PCDH15: variants seen among roughly 807,000 people sequenced by gnomAD.
PCDH15 encodes protocadherin related 15, also known as protocadherin-15.
PCDH15 carries 129 observed loss-of-function variants against 178.5 expected under a neutral mutation model. That is an observed-to-expected ratio of 0.72 (90% confidence interval 0.63 to 0.84). The LOEUF is 0.84. PCDH15 is among the 40% of genes least tolerant of loss of function. The probability of loss-of-function intolerance (pLI) is 0.00; values close to 1 mark genes in which losing one functional copy is unlikely to be tolerated. For synonymous variants in PCDH15, 800 were observed against 732.0 expected, an observed-to-expected ratio of 1.09 and a Z score of -1.50; for missense variants, 2,230 against 2,099.9, an observed-to-expected ratio of 1.06 and a Z score of -1.21.
chr10:55,170,749 G>T (rs1050990951), intron 1 of PCDH15, among the ~76,000 whole-genome samples: 3 of 152,042 alleles, frequency 2.0e-5, no homozygotes, highest in African/African-American at 7.2e-5. Flanking sequence ...GGGCGTGGTG[G>T]CATGCGCCTG....
At chr10:55,271,372 G>GA (rs945573327) in intron 1 of PCDH15, among the ~76,000 whole-genome samples, 10 of 151,638 alleles carry the variant, frequency 6.6e-5, no homozygotes, top group East Asian at 3.9e-4. Context: ...TTGCCATAGA[G>GA]AAAAAAAGGA....
At chr10:54,839,537 A>G (rs11004591) in intron 3 of PCDH15, among the ~76,000 whole-genome samples, 23,451 of 152,114 alleles carry the variant, frequency 0.15, 2,287 homozygotes, top group Non-Finnish European at 0.22. Flanking sequence ...AAGCACACAA[A>G]GTATGCATTA....
At chr10:54,240,523 C>T (rs80037981) in intron 8 of PCDH15, among the ~76,000 whole-genome samples, 8,284 of 151,406 alleles carry the variant, frequency 0.055, 553 homozygotes, top group African/African-American at 0.17. Flanking sequence ...ACCTAGAGTA[C>T]CAATCTAATA....
At chr10:54,666,683 A>C (rs2094577091) in intron 1 of PCDH15, among the ~76,000 whole-genome samples, 1 of 152,100 alleles carries the variant, frequency 6.6e-6, no homozygotes, top group African/African-American at 2.4e-5. Context: ...GAAAGGATAT[A>C]TATTGGAAAA....
intron 2 of PCDH15, among the ~76,000 whole-genome samples, chr10:55,481,495 A>T (rs535157583): frequency 2.0e-5 from 3 of 151,732 alleles, no homozygotes; most frequent in African/African-American, 7.2e-5. Flanking sequence ...CCCTCTTAAC[A>T]ATATCTTAAC....
intron 3 of PCDH15, among the ~76,000 whole-genome samples, chr10:54,400,284 T>C (rs1319376433): frequency 6.6e-6 from 1 of 152,124 alleles, no homozygotes; most frequent in Admixed American, 6.6e-5. Context: ...ATGGACTAAG[T>C]TGATAAGAAA....
intron 21 of PCDH15, among the ~76,000 whole-genome samples, chr10:53,974,917 C>G (rs2090063827): frequency 6.6e-6 from 1 of 152,042 alleles, no homozygotes; most frequent in African/African-American, 2.4e-5. Flanking sequence ...AGTTTTTCAG[C>G]TCTTGCTCCC....
At chr10:55,487,808 T>A (rs1840327443) in intron 2 of PCDH15, among the ~76,000 whole-genome samples, 1 of 151,648 alleles carries the variant, frequency 6.6e-6, no homozygotes, top group Non-Finnish European at 1.5e-5. Context: ...GAGTCTGTTC[T>A]GTGATAATGA....
At chr10:54,501,950 A>T (rs953577615) in intron 3 of PCDH15, among the ~76,000 whole-genome samples, 2 of 152,092 alleles carry the variant, frequency 1.3e-5, no homozygotes, top group African/African-American at 4.8e-5. Context: ...CAGTGTAAAT[A>T]ACACATGCTA....
At chr10:54,835,442 T>G (rs1040464621) in intron 3 of PCDH15, among the ~76,000 whole-genome samples, 1 of 152,168 alleles carries the variant, frequency 6.6e-6, no homozygotes, top group Non-Finnish European at 1.5e-5. Context: ...CACAGTATTT[T>G]TTATGTACAT....
chr10:55,570,833 C>T (rs1299489358), intron 2 of PCDH15, among the ~76,000 whole-genome samples: 1 of 152,000 alleles, frequency 6.6e-6, no homozygotes, highest in Non-Finnish European at 1.5e-5. Flanking sequence ...TCCTTATTAG[C>T]TGTTATACAC....
chr10:55,013,271 C>T (rs1231116476), intron 2 of PCDH15, among the ~76,000 whole-genome samples: 1 of 152,104 alleles, frequency 6.6e-6, no homozygotes, highest in Non-Finnish European at 1.5e-5. Flanking sequence ...TCTATTAGCT[C>T]CTCCAACAGT....
At chr10:54,523,819 A>G (rs1311866430) in intron 3 of PCDH15, among the ~76,000 whole-genome samples, 1 of 152,196 alleles carries the variant, frequency 6.6e-6, no homozygotes, top group Non-Finnish European at 1.5e-5. Flanking sequence ...CAGCAACACA[A>G]ATCCGAAGTC....
At chr10:54,686,122 G>T (rs547722609) in intron 1 of PCDH15, among the ~76,000 whole-genome samples, 1 of 144,238 alleles carries the variant, frequency 6.9e-6, no homozygotes, top group Non-Finnish European at 1.5e-5. Flanking sequence ...TCCTGACCTC[G>T]TGATCAGCCT....
At chr10:54,544,979 G>A (rs1023221537) in intron 2 of PCDH15, among the ~76,000 whole-genome samples, 1 of 152,060 alleles carries the variant, frequency 6.6e-6, no homozygotes, top group Non-Finnish European at 1.5e-5. Flanking sequence ...TCAGAGACAA[G>A]ACCTAGGAAA....
In PCDH15 at chr10:54,613,335, A is replaced by T. The variant is rs150584659; in HGVS notation, c.91+50837T>A. 8.4e-3 allele frequency among the ~76,000 whole-genome samples: 1,276 copies of T among 152,016 alleles called. 22 individuals are homozygous for T. Among genetic ancestry groups the T allele is most frequent in the African/African-American group, 0.029 (1,219 of 41,544 alleles). On this transcript the variant is annotated intron_variant, in intron 2 of 37. Coordinates refer to ENST00000644397, the MANE Select transcript of PCDH15 (RefSeq NM_001384140.1). The stretch of plus-strand genomic sequence containing the variant: ...GAATGTGAATGAGGAAAAGAAAGAC[A>T]ATTGTTCAGGAAGTTCAATAAATCA...
chr10:54,099,871 T>C (rs2094776827), intron 15 of PCDH15, among the ~76,000 whole-genome samples: 1 of 152,172 alleles, frequency 6.6e-6, no homozygotes, highest in Non-Finnish European at 1.5e-5. Context: ...CCAGGTCTAG[T>C]ATCTACAAGA....
chr10:54,905,263 T>C (rs185819958), intron 2 of PCDH15, among the ~76,000 whole-genome samples: 1 of 152,260 alleles, frequency 6.6e-6, no homozygotes, highest in East Asian at 1.9e-4. Context: ...ATAATAATTA[T>C]GTCAGAACTT....
intron 1 of PCDH15, among the ~76,000 whole-genome samples, chr10:54,697,689 G>GAGGA (rs1186073588): frequency 2.0e-5 from 2 of 99,208 alleles, no homozygotes; most frequent in Non-Finnish European, 4.2e-5. Context: ...GGGAGGAAGG[G>GAGGA]AGGAAGGGAG....
Sources: allele counts gnomAD v4.1 joint callset (sites outside exome capture counted in the v4.1 genomes callset), GRCh38; gene constraint gnomAD v4.1.1; transcripts MANE v1.5; gene names NCBI Gene and HGNC (gene_info 2026-07-23, HGNC 2026-07-21).